ENOX1: variants seen among roughly 807,000 people sequenced by gnomAD.
ENOX1 encodes ecto-NOX disulfide-thiol exchanger 1.
Under a neutral mutation model 82.5 loss-of-function variants are expected in ENOX1, and 42 were observed. The ratio of observed to expected loss-of-function variants is 0.51; its 90% CI spans 0.40 to 0.66. The LOEUF (loss-of-function observed/expected upper bound fraction) is 0.66. Ranked by LOEUF, ENOX1 falls within the 30% of genes least tolerant of loss-of-function variation. The probability of loss-of-function intolerance (pLI) is 0.00; values close to 1 mark genes in which losing one functional copy is unlikely to be tolerated. For missense variants in ENOX1, 608 were observed against 811.6 expected, an observed-to-expected ratio of 0.75 and a Z score of 3.05; for synonymous variants, 271 against 282.2, an observed-to-expected ratio of 0.96 and a Z score of 0.40.
chr13:43,233,485 A>G (rs1039761590), intron 15 of ENOX1, among the ~76,000 whole-genome samples: 2 of 152,214 alleles, frequency 1.3e-5, no homozygotes, highest in African/African-American at 4.8e-5. Context: ...GTTTTATACA[A>G]TAGTCATAAG....
chr13:43,766,261 A>G (rs1951256884), intron 1 of ENOX1, among the ~76,000 whole-genome samples: 2 of 152,328 alleles, frequency 1.3e-5, no homozygotes, highest in South Asian at 4.1e-4. Flanking sequence ...GGACTGAGGG[A>G]TCCTGAAGGT....
At chr13:43,450,317 A>G (rs1239659728) in intron 3 of ENOX1, among the ~76,000 whole-genome samples, 1 of 152,240 alleles carries the variant, frequency 6.6e-6, no homozygotes, top group African/African-American at 2.4e-5. Context: ...TGGCAGGAAG[A>G]GTTCAACTAA....
At chr13:43,415,654 C>T (rs759022294) in intron 3 of ENOX1, among the ~76,000 whole-genome samples, 12 of 124,726 alleles carry the variant, frequency 9.6e-5, no homozygotes, top group East Asian at 3.4e-4. Flanking sequence ...TCTTTCTACA[C>T]AGACATAGTA....
At chr13:43,515,574 A>G (rs943828559) in intron 2 of ENOX1, among the ~76,000 whole-genome samples, 2 of 152,190 alleles carry the variant, frequency 1.3e-5, no homozygotes, top group East Asian at 1.9e-4. Context: ...TAGTATTACA[A>G]TACTCATGTT....
chr13:43,747,198 T>TAACA (rs754502309), intron 1 of ENOX1, among the ~76,000 whole-genome samples: 5 of 152,142 alleles, frequency 3.3e-5, no homozygotes, highest in Non-Finnish European at 5.9e-5. Flanking sequence ...GAGATTCAAG[T>TAACA]AACAAACAAC....
At chr13:43,333,537 T>A (rs2048527915) in intron 9 of ENOX1, among the ~76,000 whole-genome samples, 1 of 152,214 alleles carries the variant, frequency 6.6e-6, no homozygotes, top group African/African-American at 2.4e-5. Context: ...GATCTTTTCT[T>A]CTTTGTGACC....
chr13:43,435,213 A>G lies in ENOX1; in HGVS notation c.-74-22225T>C, dbSNP rs541409778. 7.2e-5 allele frequency among the ~76,000 whole-genome samples: 11 copies of G among 152,160 alleles called. No homozygotes were observed. The East Asian group carries it at 2.1e-3, about 29-fold the overall frequency. ...TGCCATTCCAGCCAGGAAACCTACAACCTGGAGCAAATGAAAACACAGGAC... is the reference window on the plus strand; with the variant it reads ...TGCCATTCCAGCCAGGAAACCTACAGCCTGGAGCAAATGAAAACACAGGAC... On this transcript the variant is annotated intron_variant, in intron 3 of 16. Coordinates refer to ENST00000690772, the MANE Select transcript of ENOX1 (RefSeq NM_001347969.2).
Position 43,581,125 on chromosome 13 carries a change from C to CTTTTTTTTTTTT in ENOX1, c.-219+86342_-219+86353dup, listed in dbSNP as rs1174448355. The stretch of plus-strand genomic sequence containing the variant: ...TAAGTTATTTTAGCACTACCTGATT[C>CTTTTTTTTTTTT]TTTTTTTTTTTTTTTTTTTTTTTTT... On this transcript the variant is annotated intron_variant, in intron 2 of 16. Coordinates refer to ENST00000690772, the MANE Select transcript of ENOX1 (RefSeq NM_001347969.2). 2.3e-4 allele frequency among the ~76,000 whole-genome samples: 18 copies of CTTTTTTTTTTTT among 77,100 alleles called. 3 individuals are homozygous for CTTTTTTTTTTTT. The highest frequency in any genetic ancestry group is 5.7e-4 in the African/African-American group (11 of 19,144). 50.6% of individuals were successfully genotyped at this position (77,100 alleles called of 152,430 possible).
At chr13:43,472,816 A>T (rs1593378184) in intron 3 of ENOX1, among the ~76,000 whole-genome samples, 3 of 152,336 alleles carry the variant, frequency 2.0e-5, no homozygotes, top group Admixed American at 6.5e-5. Context: ...CGGAAATTTC[A>T]GGAAAAAAAT....
chr13:43,518,631 T>C lies in ENOX1; in HGVS notation c.-218-34479A>G, dbSNP rs1336015547. Among the ~76,000 whole-genome samples, 4 of 152,262 alleles carry C rather than the reference T, an allele frequency of 2.6e-5. No individual in the cohort carries two copies. In the South Asian group the frequency reaches 8.3e-4, roughly 32 times the overall value. Reference sequence around the variant, plus strand: ...TCACTAGATTCCCAAATTTTGTTCATGCAATAGTACAGAATCCACAAATCT... The same window carrying C: ...TCACTAGATTCCCAAATTTTGTTCACGCAATAGTACAGAATCCACAAATCT... On this transcript the variant is annotated intron_variant, in intron 2 of 16. Transcript: ENST00000690772.
At chr13:43,627,157 C>T (rs2082998597) in intron 2 of ENOX1, among the ~76,000 whole-genome samples, 1 of 151,948 alleles carries the variant, frequency 6.6e-6, no homozygotes, top group Non-Finnish European at 1.5e-5. Context: ...CTTTTATTTT[C>T]AATGTGCATA....
chr13:43,476,733 C>T (rs1043916675), intron 3 of ENOX1, among the ~76,000 whole-genome samples: 1 of 152,070 alleles, frequency 6.6e-6, no homozygotes, highest in Non-Finnish European at 1.5e-5. Flanking sequence ...AGGATAGAGG[C>T]ACATTCAACA....
intron 1 of ENOX1, among the ~76,000 whole-genome samples, chr13:43,742,422 A>AGACAGAGAGAGACAGT (rs1949789353): frequency 6.6e-6 from 1 of 151,962 alleles, no homozygotes; most frequent in Non-Finnish European, 1.5e-5. Context: ...AGAGAGACAG[A>AGACAGAGAGAGACAGT]GACAGAGAGA....
chr13:43,244,282 G>A (rs574252756), intron 14 of ENOX1, among the ~76,000 whole-genome samples: 5 of 151,868 alleles, frequency 3.3e-5, no homozygotes, highest in African/African-American at 1.2e-4. Context: ...AAATTTCTAG[G>A]AATAGATTGT....
At chr13:43,629,401 T>C (rs184335012) in intron 2 of ENOX1, among the ~76,000 whole-genome samples, 1 of 152,322 alleles carries the variant, frequency 6.6e-6, no homozygotes, top group East Asian at 1.9e-4. Flanking sequence ...GTCTTGGATA[T>C]GTAAGATAAG....
At chr13:43,766,106 CA>C (rs1305015883) in intron 1 of ENOX1, among the ~76,000 whole-genome samples, 1 of 152,178 alleles carries the variant, frequency 6.6e-6, no homozygotes, top group Non-Finnish European at 1.5e-5. Context: ...TGGCTAGACA[CA>C]GATTCTACTC....
At chr13:43,620,867 G>C (rs986966168) in intron 2 of ENOX1, among the ~76,000 whole-genome samples, 29 of 152,146 alleles carry the variant, frequency 1.9e-4, no homozygotes, top group African/African-American at 7.0e-4. Flanking sequence ...CACTATTATT[G>C]TGTTGTTGTC....
At chr13:43,431,819 C>T (rs2055685826) in intron 3 of ENOX1, among the ~76,000 whole-genome samples, 1 of 152,088 alleles carries the variant, frequency 6.6e-6, no homozygotes, top group Admixed American at 6.5e-5. Context: ...CCAGGGCTAG[C>T]CAATCCAAGA....
intron 11 of ENOX1, among the ~76,000 whole-genome samples, chr13:43,320,424 C>T (rs1336568727): frequency 7.2e-5 from 11 of 152,134 alleles, no homozygotes; most frequent in Non-Finnish European, 1.3e-4. Context: ...CTCTACTTCA[C>T]GTTCTCATCA....
Sources: gnomAD v4.1 joint callset for allele counts (sites outside exome capture counted in the v4.1 genomes callset) on GRCh38, gnomAD v4.1.1 for gene constraint, MANE v1.5 for transcripts, NCBI Gene and HGNC (gene_info 2026-07-23, HGNC 2026-07-21) for gene names.